The following GABRG3 variants were observed in gnomAD, a reference collection of about 807,000 sequenced individuals.
GABRG3 encodes gamma-aminobutyric acid type A receptor subunit gamma3.
Under a neutral mutation model 48.8 loss-of-function variants are expected in GABRG3, and 25 were observed. That is an observed-to-expected ratio of 0.51 (90% CI 0.37 to 0.72). The LOEUF is 0.72. Among genes scored for constraint, GABRG3 ranks in the 30% least tolerant of loss-of-function variants. GABRG3 has a pLI of 0.00. For missense variants in GABRG3, 394 were observed against 577.9 expected (o/e 0.68, Z 3.26); for synonymous variants, 227 against 217.6 (o/e 1.04, Z -0.38).
chr15:26,991,695 T>A (rs1185681837), intron 2 of GABRG3, among the ~76,000 whole-genome samples: 1 of 152,086 alleles, frequency 6.6e-6, no homozygotes, highest in African/African-American at 2.4e-5. Context: ...TAAATGGGAT[T>A]ACTTTTAATA....
intron 7 of GABRG3, among the ~76,000 whole-genome samples, chr15:27,524,436 A>T (rs533363941): frequency 6.6e-6 from 1 of 152,264 alleles, no homozygotes; most frequent in South Asian, 2.1e-4. Flanking sequence ...TAAAGAAAAA[A>T]TACAAAAAGT....
At chr15:27,114,906 G>T (rs1010196739) in intron 3 of GABRG3, among the ~76,000 whole-genome samples, 6 of 151,910 alleles carry the variant, frequency 3.9e-5, no homozygotes, top group African/African-American at 1.5e-4. Context: ...ATTAGCATTT[G>T]CAGGTTTCAT....
At chr15:27,145,115 A>AGGAAAAATAAGGAATGAACCATATACAG (rs138285548) in intron 3 of GABRG3, among the ~76,000 whole-genome samples, 2 of 151,522 alleles carry the variant, frequency 1.3e-5, no homozygotes, top group African/African-American at 4.9e-5. Flanking sequence ...AGACAAACCA[A>AGGAAAAATAAGGAATGAACCATATACAG]GGAAAAATAA....
chr15:27,145,112 C>T (rs1424087141), intron 3 of GABRG3, among the ~76,000 whole-genome samples: 1 of 151,618 alleles, frequency 6.6e-6, no homozygotes, highest in African/African-American at 2.4e-5. Context: ...GTGAGACAAA[C>T]CAAGGAAAAA....
At chr15:27,325,916 A>C (rs1211519669) in intron 3 of GABRG3, among the ~76,000 whole-genome samples, 1 of 152,242 alleles carries the variant, frequency 6.6e-6, no homozygotes, top group Non-Finnish European at 1.5e-5. Context: ...TATCTAATAC[A>C]TAACAAAAAT....
At chr15:27,148,322 C>T (rs973001779) in intron 3 of GABRG3, among the ~76,000 whole-genome samples, 3 of 151,862 alleles carry the variant, frequency 2.0e-5, no homozygotes, top group Non-Finnish European at 2.9e-5. Flanking sequence ...TAAAAAGCCT[C>T]ATAACATAAA....
At chr15:27,491,961 A>T (rs4435210) in intron 6 of GABRG3, among the ~76,000 whole-genome samples, 11,345 of 152,228 alleles carry the variant, frequency 0.075, 760 homozygotes, top group East Asian at 0.35. Context: ...GTCATATCCC[A>T]TATGACTTGT....
intron 2 of GABRG3, among the ~76,000 whole-genome samples, chr15:27,021,122 T>C (rs1042279551): frequency 3.3e-5 from 5 of 152,194 alleles, no homozygotes; most frequent in African/African-American, 1.2e-4. Flanking sequence ...TTGATCTTTA[T>C]AGACTATATA....
At chr15:27,372,899 A>G (rs1895461387) in intron 5 of GABRG3, among the ~76,000 whole-genome samples, 1 of 152,198 alleles carries the variant, frequency 6.6e-6, no homozygotes, top group South Asian at 2.1e-4. Flanking sequence ...GGCATTAGCC[A>G]TAGGGTGGTG....
intron 3 of GABRG3, among the ~76,000 whole-genome samples, chr15:27,063,637 A>T (rs1037672378): frequency 1.3e-5 from 2 of 152,246 alleles, no homozygotes; most frequent in African/African-American, 4.8e-5. Context: ...GTGAGCAGTT[A>T]AACCTCTTTT....
At chr15:27,531,437 T>C (rs551875185) in intron 9 of GABRG3, among the ~76,000 whole-genome samples, 1 of 152,168 alleles carries the variant, frequency 6.6e-6, no homozygotes, top group African/African-American at 2.4e-5. Flanking sequence ...TGGATGAAAG[T>C]ATAAGAGGTT....
At chr15:27,412,222 A>G (rs902615538) in intron 5 of GABRG3, among the ~76,000 whole-genome samples, 28 of 152,122 alleles carry the variant, frequency 1.8e-4, no homozygotes, top group African/African-American at 2.4e-4. Flanking sequence ...CATTTCCCCA[A>G]TGGTGACATC....
At chr15:27,116,319 A>AT (rs1897640335) in intron 3 of GABRG3, among the ~76,000 whole-genome samples, 1 of 151,930 alleles carries the variant, frequency 6.6e-6, no homozygotes, top group Admixed American at 6.6e-5. Flanking sequence ...TTCCTTCTTC[A>AT]TTTTTTCCGT....
At chr15:27,260,112 T>C (rs759809041) in intron 3 of GABRG3, among the ~76,000 whole-genome samples, 7 of 152,196 alleles carry the variant, frequency 4.6e-5, no homozygotes, top group Non-Finnish European at 8.8e-5. Context: ...CTGCTATAAC[T>C]AAGTACCACA....
intron 3 of GABRG3, among the ~76,000 whole-genome samples, chr15:27,133,467 G>C (rs556086386): frequency 2.0e-5 from 3 of 152,166 alleles, no homozygotes. Context: ...CCAAGGCGCT[G>C]GTGAGGCAGC....
At chr15:27,425,775 T>C (rs74702428) in intron 5 of GABRG3, among the ~76,000 whole-genome samples, 6,797 of 152,300 alleles carry the variant, frequency 0.045, 175 homozygotes, top group Middle Eastern at 0.11. Flanking sequence ...GTAATTGTTG[T>C]TGTGTAATTG....
intron 5 of GABRG3, among the ~76,000 whole-genome samples, chr15:27,350,924 G>GTGTGCGTGTATCGTGTGTGTATGC (rs1894546620): frequency 6.6e-6 from 1 of 151,232 alleles, no homozygotes. Context: ...ATGTGTGTTT[G>GTGTGCGTGTATCGTGTGTGTATGC]TGTGTGTGTA....
In GABRG3 at chr15:27,163,980, G is replaced by T. The variant is rs75118319; in HGVS notation, c.270+137159G>T. 6.8e-3 allele frequency among the ~76,000 whole-genome samples: 1,037 copies of T among 152,280 alleles called. 20 individuals are homozygous for T. The highest frequency in any genetic ancestry group is 0.024 in the African/African-American group (999 of 41,554). The stretch of plus-strand genomic sequence containing the variant: ...GAGCGGACCAATTCAGTTACGGGGG[G>T]ATGGAAGAAGGAAATGTCAGAGGGA... On this transcript the variant is annotated intron_variant, in intron 3 of 9. Coordinates refer to ENST00000615808, the MANE Select transcript of GABRG3 (RefSeq NM_033223.5).
At chr15:27,435,176 T>C (rs1888573237) in intron 5 of GABRG3, among the ~76,000 whole-genome samples, 1 of 150,006 alleles carries the variant, frequency 6.7e-6, no homozygotes, top group Non-Finnish European at 1.5e-5. Context: ...CCTTTTATAC[T>C]ATTTTATATA....
Sources: allele counts gnomAD v4.1 joint callset (sites outside exome capture counted in the v4.1 genomes callset), GRCh38; gene constraint gnomAD v4.1.1; transcripts MANE v1.5; gene names NCBI Gene and HGNC (gene_info 2026-07-23, HGNC 2026-07-21).